Variants in HECTD2 observed in about 807,000 individuals in gnomAD.
HECTD2 encodes the protein probable E3 ubiquitin-protein ligase HECTD2.
In HECTD2, 35 loss-of-function variants were observed where a neutral mutation model predicts 103.2. That is an observed-to-expected ratio of 0.34 (90% CI 0.26 to 0.45). HECTD2 has a LOEUF of 0.45. HECTD2 is among the 20% of genes least tolerant of loss of function. The pLI, the probability that HECTD2 is intolerant of heterozygous loss-of-function variation, is 1.00. For synonymous variants in HECTD2, 281 were observed against 329.9 expected (o/e 0.85, Z 1.61); for missense variants, 596 against 937.4 (o/e 0.64, Z 4.76).
chr10:91,487,824 AGT>A lies in HECTD2; in HGVS notation c.1191+47_1191+48del. On this transcript the variant is annotated intron_variant, in intron 11 of 20. Coordinates refer to ENST00000298068, the MANE Select transcript of HECTD2 (RefSeq NM_182765.6). This position sits in a 1 kb window ranked among gnomAD's most constrained non-coding sequence, Gnocchi z 4.1. ...TATTTATGCTGACTATAATCAGTATAGTAAATAATTTAATAAATAATTTAAAT... is the reference window on the plus strand; with the variant it reads ...TATTTATGCTGACTATAATCAGTATAAAATAATTTAATAAATAATTTAAAT... 9.9e-7 allele frequency: 1 copy of A among 1,013,404 alleles called. No individual in the cohort carries two copies. Among genetic ancestry groups the A allele is most frequent in the Non-Finnish European group, 1.5e-6 (1 of 677,494 alleles). The allele number at this position is 1,013,404 out of a possible 1,614,324, so 62.8% of individuals were successfully genotyped here. A position where few individuals can be genotyped will look rare whatever the true frequency, so the allele number is the denominator to read the frequency against.
At chr10:91,490,617 C>T (rs965450498) in intron 11 of HECTD2, among the ~76,000 whole-genome samples, 9 of 152,084 alleles carry the variant, frequency 5.9e-5, no homozygotes, top group South Asian at 2.1e-4. Flanking sequence ...CATGGCCGGG[C>T]GCGGTGGCTC....
chr10:91,484,313 T>C, intron 8 of HECTD2, 194 bp from the exon 9 acceptor site: 2 of 1,269,602 alleles, frequency 1.6e-6, no homozygotes, highest in Non-Finnish European at 2.2e-6. Context: ...AATTTTGGTG[T>C]TTATTTCTCA....
chr10:91,425,660 AATATAC>A (rs1391962760), intron 2 of HECTD2, among the ~76,000 whole-genome samples: 1 of 150,774 alleles, frequency 6.6e-6, no homozygotes, highest in Non-Finnish European at 1.5e-5. Context: ...TAAATAAAAT[AATATAC>A]ATATATATTT....
intron 6 of HECTD2, among the ~76,000 whole-genome samples, chr10:91,478,520 A>G (rs181167877): frequency 2.6e-5 from 4 of 152,302 alleles, no homozygotes; most frequent in Non-Finnish European, 5.9e-5. Flanking sequence ...AGTTTTTTCT[A>G]TGCAGATATA....
chr10:91,459,331 G>A (rs781656365), intron 2 of HECTD2, among the ~76,000 whole-genome samples: 11 of 151,928 alleles, frequency 7.2e-5, no homozygotes, highest in Non-Finnish European at 1.2e-4. Flanking sequence ...TGCAACTGCC[G>A]TATATTTACC....
chr10:91,482,081 A>G (rs1846108275), intron 7 of HECTD2, among the ~76,000 whole-genome samples: 1 of 151,838 alleles, frequency 6.6e-6, no homozygotes, highest in African/African-American at 2.4e-5. Flanking sequence ...AAAGCTAGAA[A>G]GATGACACGA....
At chr10:91,484,770 A>C (rs1049630347) in intron 9 of HECTD2, 115 bp downstream of exon 9, 4 of 753,418 alleles carry the variant, frequency 5.3e-6, no homozygotes, top group Non-Finnish European at 8.2e-6. Flanking sequence ...CATTTCTGTG[A>C]AGGAAAGAGT....
At chr10:91,417,150 T>C (rs1360588243) in intron 1 of HECTD2, among the ~76,000 whole-genome samples, 1 of 152,158 alleles carries the variant, frequency 6.6e-6, no homozygotes, top group East Asian at 1.9e-4. Flanking sequence ...TCTCCTTTTT[T>C]TATAGTTTTG....
intron 2 of HECTD2, among the ~76,000 whole-genome samples, chr10:91,456,685 C>T (rs913984984): frequency 6.6e-6 from 1 of 152,070 alleles, no homozygotes; most frequent in East Asian, 1.9e-4. Context: ...CCAGTTTTTG[C>T]CCATTCAGTA....
chr10:91,416,342 G>C (rs1843126396), intron 1 of HECTD2, among the ~76,000 whole-genome samples: 1 of 152,218 alleles, frequency 6.6e-6, no homozygotes, highest in South Asian at 2.1e-4. Flanking sequence ...AGTGTTAGAT[G>C]AGATTATTAA....
At chr10:91,485,071 G>A in intron 9 of HECTD2, 109 bp from the exon 10 acceptor site, 1 of 657,638 alleles carries the variant, frequency 1.5e-6, no homozygotes, top group South Asian at 3.1e-5. Flanking sequence ...TTTAAAATAG[G>A]AGTTTCTAGG....
rs1009549692 is a variant in HECTD2 at position 91,512,576 on chromosome 10, C to A, written c.*192C>A. 1 of 535,734 alleles carries A rather than the reference C, an allele frequency of 1.9e-6. No individual in the cohort carries two copies. The highest frequency in any genetic ancestry group is 2.9e-5 in the East Asian group (1 of 33,992). The allele number at this position is 535,734 out of a possible 1,614,324, so 33.2% of individuals were successfully genotyped here. A position where few individuals can be genotyped will look rare whatever the true frequency, so the allele number is the denominator to read the frequency against. On this transcript the variant is annotated 3_prime_UTR_variant, in exon 21 of 21. Coordinates refer to ENST00000298068, the MANE Select transcript of HECTD2 (RefSeq NM_182765.6). ...ATTTTCTAAAAACACACACAGAAAT[C>A]GCTTGAGTGAGGAAAAGTCCACATG...
At chr10:91,413,163 A>G (rs570996695) in intron 1 of HECTD2, among the ~76,000 whole-genome samples, 39 of 152,262 alleles carry the variant, frequency 2.6e-4, no homozygotes, top group Admixed American at 1.5e-3. Context: ...GAATAAAATA[A>G]TATAAATATT....
intron 11 of HECTD2, chr10:91,489,036 ATTTGTAAGAAAATCTACAGTG>A (rs2133306727): frequency 6.6e-6 from 1 of 152,168 alleles, no homozygotes; most frequent in East Asian, 1.9e-4. Flanking sequence ...ATTTTTTTAT[ATTTGTAAGAAAATCTACAGTG>A]CTTTTGTACG....
intron 1 of HECTD2, among the ~76,000 whole-genome samples, chr10:91,412,462 T>C (rs1374053853): frequency 6.6e-6 from 1 of 151,650 alleles, no homozygotes; most frequent in Non-Finnish European, 1.5e-5. Context: ...AGGGTTTTTT[T>C]TTTTTCTTTT....
intron 2 of HECTD2, among the ~76,000 whole-genome samples, chr10:91,447,710 GAAAAAAAAAGA>G (rs1175358673): frequency 6.4e-5 from 5 of 77,622 alleles, no homozygotes; most frequent in African/African-American, 3.6e-4. Context: ...AAAAAAAAAA[GAAAAAAAAAGA>G]AAAAAAAAAG....
intron 19 of HECTD2, 40 bp from the exon 20 acceptor site, chr10:91,501,151 G>T: frequency 6.4e-7 from 1 of 1,569,036 alleles, no homozygotes; most frequent in Non-Finnish European, 8.7e-7. Context: ...TAGGATTTTT[G>T]TCAAGACATT....
At position 91,481,192 on chromosome 10, in the gene HECTD2, C is replaced by T. The variant is rs1004410721; in HGVS notation, c.711+53C>T. Reference sequence around the variant, plus strand: ...TGTCTAAGTCAGATCTCAATCCCTACATGTGTATGTGAAATGATATTAAAT... The same window carrying T: ...TGTCTAAGTCAGATCTCAATCCCTATATGTGTATGTGAAATGATATTAAAT... On this transcript the variant is annotated intron_variant, in intron 7 of 20. Coordinates refer to ENST00000298068, the MANE Select transcript of HECTD2 (RefSeq NM_182765.6). 5 of 834,244 alleles carry T rather than the reference C, an allele frequency of 6.0e-6. No homozygotes were observed. The Admixed American group carries it at 8.0e-5, about 13-fold the overall frequency. The allele number at this position is 834,244 out of a possible 1,614,324, so 51.7% of individuals were successfully genotyped here. A position where few individuals can be genotyped will look rare whatever the true frequency, so the allele number is the denominator to read the frequency against.
intron 2 of HECTD2, among the ~76,000 whole-genome samples, chr10:91,435,376 C>T (rs1844072739): frequency 6.6e-6 from 1 of 151,968 alleles, no homozygotes; most frequent in Non-Finnish European, 1.5e-5. Flanking sequence ...GTGAGGTGAC[C>T]TGAGTGTCCT....
Sources: allele counts gnomAD v4.1 joint callset (sites outside exome capture counted in the v4.1 genomes callset), GRCh38; gene constraint gnomAD v4.1.1; non-coding constraint Gnocchi (gnomAD v3.1); transcripts MANE v1.5; gene names NCBI Gene and HGNC (gene_info 2026-07-23, HGNC 2026-07-21).